FAM107B: variants seen among roughly 807,000 people sequenced by gnomAD.
The protein encoded by FAM107B is family with sequence similarity 107 member B, also known as protein FAM107B.
In FAM107B, 21 loss-of-function variants were observed where a neutral mutation model predicts 31.5. The observed-to-expected ratio is 0.67, with a 90% confidence interval of 0.47 to 0.96. The LOEUF is 0.96. Ranked by LOEUF, FAM107B falls within the 40% of genes least tolerant of loss-of-function variation. The pLI, the probability that FAM107B is intolerant of heterozygous loss-of-function variation, is 0.00. For missense variants in FAM107B, 452 were observed against 377.1 expected, an observed-to-expected ratio of 1.20 and a Z score of -1.64; for synonymous variants, 157 against 141.5, an observed-to-expected ratio of 1.11 and a Z score of -0.78.
chr10:14,674,131 C>G, intron 1 of FAM107B, among the ~76,000 whole-genome samples: 1 of 151,980 alleles, frequency 6.6e-6, no homozygotes, highest in Non-Finnish European at 1.5e-5. Context: ...ACGTAAGACC[C>G]GAAGCTATGA....
chr10:14,616,122 G>C (rs1281917759), intron 2 of FAM107B, among the ~76,000 whole-genome samples: 5 of 152,046 alleles, frequency 3.3e-5, no homozygotes, highest in Non-Finnish European at 7.4e-5. Context: ...AAGGACAGTG[G>C]CTTTTTAAAA....
At chr10:14,747,923 G>T (rs56312147) in intron 1 of FAM107B, among the ~76,000 whole-genome samples, 2 of 152,050 alleles carry the variant, frequency 1.3e-5, no homozygotes, top group African/African-American at 4.8e-5. Flanking sequence ...ATCCATCTCT[G>T]CCTGTCCCTC....
chr10:14,551,745 A>G (rs1188245867), intron 2 of FAM107B, among the ~76,000 whole-genome samples: 1 of 152,170 alleles, frequency 6.6e-6, no homozygotes, highest in Non-Finnish European at 1.5e-5. Flanking sequence ...TGATAACAAC[A>G]TATTATCACC....
At chr10:14,635,375 G>A (rs977107377) in intron 2 of FAM107B, among the ~76,000 whole-genome samples, 1 of 152,094 alleles carries the variant, frequency 6.6e-6, no homozygotes, top group Non-Finnish European at 1.5e-5. Flanking sequence ...GCCCACCTAA[G>A]GCTAAAAGAA....
intron 2 of FAM107B, among the ~76,000 whole-genome samples, chr10:14,642,026 G>A (rs572519120): frequency 1.1e-4 from 17 of 152,196 alleles, no homozygotes; most frequent in Admixed American, 3.3e-4. Flanking sequence ...GTGAACTTGC[G>A]GAACCAGACA....
intron 2 of FAM107B, among the ~76,000 whole-genome samples, chr10:14,616,285 G>A (rs1330795198): frequency 6.6e-6 from 1 of 152,138 alleles, no homozygotes; most frequent in Admixed American, 6.6e-5. Context: ...CTGATTAGCA[G>A]TTCTATGGAG....
intron 1 of FAM107B, among the ~76,000 whole-genome samples, chr10:14,727,762 A>T (rs569109961): frequency 6.6e-6 from 1 of 152,318 alleles, no homozygotes; most frequent in Non-Finnish European, 1.5e-5. Flanking sequence ...ACCCACACTA[A>T]AACAAGACAT....
At chr10:14,689,351 G>T (rs1486507029) in intron 1 of FAM107B, among the ~76,000 whole-genome samples, 1 of 144,222 alleles carries the variant, frequency 6.9e-6, no homozygotes, top group East Asian at 2.0e-4. Context: ...CTGCACTTTA[G>T]CCTGGGCAAC....
chr10:14,751,541 C>T (rs1033599028), intron 1 of FAM107B, among the ~76,000 whole-genome samples: 1 of 151,374 alleles, frequency 6.6e-6, no homozygotes, highest in Non-Finnish European at 1.5e-5. Flanking sequence ...CCAGCTCTGT[C>T]ACCCAGGCTG....
At chr10:14,613,187 G>C (rs1439337023) in intron 2 of FAM107B, among the ~76,000 whole-genome samples, 1 of 152,114 alleles carries the variant, frequency 6.6e-6, no homozygotes, top group Non-Finnish European at 1.5e-5. Flanking sequence ...GGCCAGGCTG[G>C]TCTCGAACTC....
intron 2 of FAM107B, among the ~76,000 whole-genome samples, chr10:14,621,337 T>C (rs1853005720): frequency 6.6e-6 from 1 of 152,236 alleles, no homozygotes; most frequent in Admixed American, 6.5e-5. Context: ...AAAAATTCTG[T>C]GGCCCTGTTA....
At chr10:14,554,126 A>C in intron 2 of FAM107B, 6 of 985,404 alleles carry the variant, frequency 6.1e-6, no homozygotes, top group Non-Finnish European at 7.2e-6. Flanking sequence ...ATCTCAGATA[A>C]GCTGGCCTCG....
At chr10:14,608,429 A>G (rs1383408050) in intron 2 of FAM107B, among the ~76,000 whole-genome samples, 1 of 152,218 alleles carries the variant, frequency 6.6e-6, no homozygotes, top group Non-Finnish European at 1.5e-5. Flanking sequence ...GTGGGTTGGC[A>G]ATTTGGACAA....
At chr10:14,638,263 G>A (rs534269830) in intron 2 of FAM107B, among the ~76,000 whole-genome samples, 25 of 150,444 alleles carry the variant, frequency 1.7e-4, no homozygotes, top group African/African-American at 5.4e-4. Flanking sequence ...GAAATCTTAC[G>A]TTGTGTACAG....
In FAM107B at chr10:14,649,860, T is replaced by C. The variant is rs1342654447; in HGVS notation, c.469+17774A>G. Reference sequence around the variant, plus strand: ...TTTTTATAGAGTTTGACTCTTTTCATTGGCACATTGTTTGACCATTACACA... The same window carrying C: ...TTTTTATAGAGTTTGACTCTTTTCACTGGCACATTGTTTGACCATTACACA... On this transcript the variant is annotated intron_variant, in intron 2 of 4. Transcript: ENST00000181796. Among the ~76,000 whole-genome samples the C allele has an allele frequency of 2.0e-5, 3 of 152,232 alleles. No homozygotes were observed. The East Asian group carries it at 5.8e-4, about 29-fold the overall frequency.
At chr10:14,674,477 GT>G (rs1270869652) in intron 1 of FAM107B, among the ~76,000 whole-genome samples, 13 of 152,092 alleles carry the variant, frequency 8.5e-5, no homozygotes, top group African/African-American at 3.1e-4. Context: ...CCACCACTTT[GT>G]TTTTCTCTGC....
At chr10:14,522,872 C>T (rs187379451) in intron 3 of FAM107B, among the ~76,000 whole-genome samples, 5 of 152,252 alleles carry the variant, frequency 3.3e-5, no homozygotes, top group Admixed American at 6.5e-5. Flanking sequence ...AGGACATGGC[C>T]GTGCAGAACC....
intron 2 of FAM107B, chr10:14,548,596 G>A: frequency 1.0e-6 from 1 of 985,442 alleles, no homozygotes; most frequent in Non-Finnish European, 1.2e-6. Flanking sequence ...TGGGAAGAAG[G>A]GAAGGCAGAG....
chr10:14,575,494 C>T lies in FAM107B; in HGVS notation c.470-44979G>A, dbSNP rs979947380. ...CTGGGATTACAGGTATGAGACACTGCGCCCGGCCAAGAAGCTTTTCAATGG... is the reference window on the plus strand; with the variant it reads ...CTGGGATTACAGGTATGAGACACTGTGCCCGGCCAAGAAGCTTTTCAATGG... On this transcript the variant is annotated intron_variant, in intron 2 of 4. Coordinates refer to ENST00000181796, the MANE Select transcript of FAM107B (RefSeq NM_031453.4). Among the ~76,000 whole-genome samples the T allele has an allele frequency of 3.3e-5, 5 of 152,108 alleles. No homozygotes were observed. In the South Asian group the frequency reaches 6.2e-4, roughly 19 times the overall value.
Sources: allele counts gnomAD v4.1 joint callset (sites outside exome capture counted in the v4.1 genomes callset), GRCh38; gene constraint gnomAD v4.1.1; transcripts MANE v1.5; gene names NCBI Gene and HGNC (gene_info 2026-07-23, HGNC 2026-07-21).